PCDH9: variants seen among roughly 807,000 people sequenced by gnomAD.
PCDH9 encodes protocadherin-9.
PCDH9 carries 24 observed loss-of-function variants against 70.6 expected under a neutral mutation model. The ratio of observed to expected loss-of-function variants is 0.34; its 90% CI spans 0.25 to 0.48. The LOEUF (loss-of-function observed/expected upper bound fraction) is 0.48, where lower values mean the gene tolerates loss of function less well. PCDH9 is among the 20% of genes least tolerant of loss of function. PCDH9 has a pLI of 0.99. For synonymous variants in PCDH9, 562 were observed against 558.5 expected, an observed-to-expected ratio of 1.01 and a Z score of -0.09; for missense variants, 1,281 against 1,503.6, an observed-to-expected ratio of 0.85 and a Z score of 2.45.
intron 4 of PCDH9, among the ~76,000 whole-genome samples, chr13:66,406,115 TTCTC>T (rs1593925356): frequency 6.6e-6 from 1 of 152,136 alleles, no homozygotes; most frequent in Non-Finnish European, 1.5e-5. Context: ...TACAATTTGT[TTCTC>T]TCTCTAAGAG....
chr13:66,523,193 C>T (rs780189697), intron 4 of PCDH9, among the ~76,000 whole-genome samples: 16 of 151,940 alleles, frequency 1.1e-4, no homozygotes, highest in East Asian at 1.9e-4. Flanking sequence ...TGAAATGCTG[C>T]GTACTCCTCC....
chr13:66,523,444 A>G (rs1312697687), intron 4 of PCDH9, among the ~76,000 whole-genome samples: 1 of 152,072 alleles, frequency 6.6e-6, no homozygotes, highest in Non-Finnish European at 1.5e-5. Context: ...TAATATTGTT[A>G]AAGATGATGA....
At chr13:67,140,026 C>CCCT (rs2087336975) in intron 2 of PCDH9, among the ~76,000 whole-genome samples, 1 of 18,966 alleles carries the variant, frequency 5.3e-5, no homozygotes, top group Non-Finnish European at 1.0e-4. Flanking sequence ...TTTTTGATCA[C>CCCT]CCCCCCCCCC....
chr13:66,388,283 T>G (rs1252014442), intron 4 of PCDH9, among the ~76,000 whole-genome samples: 1 of 152,180 alleles, frequency 6.6e-6, no homozygotes, highest in Admixed American at 6.5e-5. Flanking sequence ...AGAATTATAC[T>G]CCCTACTCAC....
chr13:67,111,637 A>G (rs1011072075), intron 2 of PCDH9, among the ~76,000 whole-genome samples: 4 of 152,106 alleles, frequency 2.6e-5, no homozygotes, highest in African/African-American at 7.2e-5. Context: ...TTTTTTTGCC[A>G]CTCATACTTC....
intron 2 of PCDH9, among the ~76,000 whole-genome samples, chr13:67,181,268 A>AT (rs950054777): frequency 2.0e-5 from 3 of 152,018 alleles, no homozygotes; most frequent in Admixed American, 1.3e-4. Context: ...AGTGCAAATA[A>AT]TTTTTTTTCA....
At chr13:67,153,156 T>A (rs1448481267) in intron 2 of PCDH9, among the ~76,000 whole-genome samples, 1 of 147,546 alleles carries the variant, frequency 6.8e-6, no homozygotes, top group Non-Finnish European at 1.5e-5. Flanking sequence ...AAATTAGTTT[T>A]CCCTTTCACA....
At chr13:66,458,166 T>C (rs1958355112) in intron 4 of PCDH9, among the ~76,000 whole-genome samples, 1 of 152,012 alleles carries the variant, frequency 6.6e-6, no homozygotes, top group African/African-American at 2.4e-5. Context: ...TCTTAAATCA[T>C]ACATAATACC....
At chr13:66,822,591 A>G (rs2080733106) in intron 3 of PCDH9, among the ~76,000 whole-genome samples, 1 of 145,272 alleles carries the variant, frequency 6.9e-6, no homozygotes, top group Non-Finnish European at 1.5e-5. Context: ...CAGTGGTGCT[A>G]TCTTGGCTTA....
rs144175707 is a variant in PCDH9 at position 66,768,558 on chromosome 13, T to C, written c.3138+134946A>G. Among the ~76,000 whole-genome samples, 788 of 152,182 alleles carry C rather than the reference T, an allele frequency of 5.2e-3. 4 individuals carry two copies. Among genetic ancestry groups the C allele is most frequent in the African/African-American group, 0.018 (749 of 41,552 alleles). ...TCTGAATCTAATGAGAAAGTTTTAC[T>C]TATACATAAAACAATATTTTTAACA... On this transcript the variant is annotated intron_variant, in intron 3 of 4. Transcript: ENST00000377865.
chr13:66,427,156 T>C (rs922488026), intron 4 of PCDH9, among the ~76,000 whole-genome samples: 1 of 151,598 alleles, frequency 6.6e-6, no homozygotes, highest in Non-Finnish European at 1.5e-5. Context: ...GTTATAAAAA[T>C]AGAGATGGTC....
chr13:66,540,668 C>A (rs765380113), intron 4 of PCDH9, among the ~76,000 whole-genome samples: 2 of 152,152 alleles, frequency 1.3e-5, no homozygotes, highest in African/African-American at 4.8e-5. Flanking sequence ...CAGAAGGGTA[C>A]GTAGTGTACG....
chr13:66,775,892 T>A (rs954167251), intron 3 of PCDH9, among the ~76,000 whole-genome samples: 2 of 152,022 alleles, frequency 1.3e-5, no homozygotes, highest in African/African-American at 4.8e-5. Context: ...GACTGACAAA[T>A]GGGAATAGAT....
chr13:66,673,883 G>C (rs989793652), intron 3 of PCDH9, among the ~76,000 whole-genome samples: 6 of 152,072 alleles, frequency 3.9e-5, no homozygotes, highest in African/African-American at 1.4e-4. Context: ...CAATTATCCA[G>C]TTAAATAATT....
chr13:67,196,757 T>C (rs879799289), intron 2 of PCDH9, among the ~76,000 whole-genome samples: 1 of 151,986 alleles, frequency 6.6e-6, no homozygotes, highest in Non-Finnish European at 1.5e-5. Flanking sequence ...GAGTGTTAGA[T>C]TACCAAAAAA....
chr13:66,685,869 C>A (rs915583274), intron 3 of PCDH9, among the ~76,000 whole-genome samples: 1 of 152,104 alleles, frequency 6.6e-6, no homozygotes, highest in African/African-American at 2.4e-5. Flanking sequence ...GCCAGTTTAT[C>A]CCATGTGGAA....
intron 2 of PCDH9, among the ~76,000 whole-genome samples, chr13:66,980,493 C>G (rs2083720862): frequency 6.6e-6 from 1 of 152,098 alleles, no homozygotes; most frequent in African/African-American, 2.4e-5. Flanking sequence ...GCCCTGTGTT[C>G]TAGAAATTTT....
chr13:66,325,210 A>G (rs1955821781), intron 4 of PCDH9, among the ~76,000 whole-genome samples: 1 of 152,100 alleles, frequency 6.6e-6, no homozygotes, highest in Admixed American at 6.5e-5. Context: ...TTAGTTTTAT[A>G]TGAAACATAT....
chr13:67,122,645 G>A (rs1393813297), intron 2 of PCDH9, among the ~76,000 whole-genome samples: 16 of 151,730 alleles, frequency 1.1e-4, no homozygotes, highest in South Asian at 2.1e-4. Flanking sequence ...GTAGTGATGC[G>A]TGCCTGTAAT....
Sources: allele counts gnomAD v4.1 joint callset (sites outside exome capture counted in the v4.1 genomes callset), GRCh38; gene constraint gnomAD v4.1.1; transcripts MANE v1.5; gene names NCBI Gene and HGNC (gene_info 2026-07-23, HGNC 2026-07-21).